The following LPP variants were observed in gnomAD, a reference collection of about 807,000 sequenced individuals.
LPP encodes the protein lipoma-preferred partner.
Under a neutral mutation model 60.4 loss-of-function variants are expected in LPP, and 38 were observed. That is an observed-to-expected ratio of 0.63 (90% CI 0.49 to 0.83). LPP has a LOEUF of 0.83. LPP is among the 40% of genes least tolerant of loss of function. The pLI, the probability that LPP is intolerant of heterozygous loss-of-function variation, is 0.00. For synonymous variants in LPP, 328 were observed against 290.8 expected, an observed-to-expected ratio of 1.13 and a Z score of -1.30; for missense variants, 902 against 783.6, an observed-to-expected ratio of 1.15 and a Z score of -1.80.
rs941908459 is a variant in LPP, at chr3:188,609,056, A to T, written c.430-105A>T. 2.4e-6 allele frequency: 2 copies of T among 847,110 alleles called. No individual in the cohort carries two copies. Among genetic ancestry groups the T allele is most frequent in the African/African-American group, 3.5e-5 (2 of 57,596 alleles). 52.5% of individuals were successfully genotyped at this position (847,110 alleles called of 1,614,324 possible). On this transcript the variant is annotated intron_variant, in intron 6 of 11. Coordinates refer to ENST00000617246, the MANE Select transcript of LPP (RefSeq NM_001375462.1). The surrounding 1 kb of genome is among the most constrained non-coding windows in gnomAD (Gnocchi z 6.9). ...TTATTTGTGTTCTACATAGTAATAA[A>T]TAATAATTAGCAGTTATTAATATTT...
chr3:188,469,950 A>T (rs577495027), intron 4 of LPP, among the ~76,000 whole-genome samples: 24 of 152,242 alleles, frequency 1.6e-4, no homozygotes, highest in Admixed American at 4.6e-4. Context: ...GATTTATACC[A>T]TCTGAAGAAA....
At chr3:188,815,784 A>G (rs111999710) in intron 9 of LPP, among the ~76,000 whole-genome samples, 30 of 152,356 alleles carry the variant, frequency 2.0e-4, no homozygotes, top group African/African-American at 7.2e-4. Flanking sequence ...ATAATGTCAT[A>G]GAACACTGGC....
intron 2 of LPP, among the ~76,000 whole-genome samples, chr3:188,240,397 A>T: frequency 7.3e-6 from 1 of 137,800 alleles, no homozygotes; most frequent in Middle Eastern, 3.8e-3. Flanking sequence ...CAGAGAGAGA[A>T]AGAGGTAAAG....
At chr3:188,637,246 C>A (rs1468901086) in intron 7 of LPP, among the ~76,000 whole-genome samples, 1 of 152,092 alleles carries the variant, frequency 6.6e-6, no homozygotes, top group South Asian at 2.1e-4. Flanking sequence ...AACTGACCAA[C>A]CTGCTCCTGA....
intron 3 of LPP, among the ~76,000 whole-genome samples, chr3:188,372,936 C>G (rs1176987168): frequency 1.3e-5 from 2 of 151,988 alleles, no homozygotes; most frequent in East Asian, 3.9e-4. Flanking sequence ...CAATTCCCAC[C>G]TATGAGTGAG....
At chr3:188,329,529 G>A (rs745528419) in intron 2 of LPP, among the ~76,000 whole-genome samples, 18 of 152,264 alleles carry the variant, frequency 1.2e-4, no homozygotes, top group East Asian at 3.9e-4. Flanking sequence ...AGCTTTCAGC[G>A]TCCTGTCTGT....
At chr3:188,542,098 G>A (rs964846074) in intron 6 of LPP, among the ~76,000 whole-genome samples, 2 of 152,136 alleles carry the variant, frequency 1.3e-5, no homozygotes, top group African/African-American at 4.8e-5. Flanking sequence ...TGCAATTCTT[G>A]AAAGAACTAT....
At chr3:188,460,917 C>G (rs140915875) in intron 4 of LPP, among the ~76,000 whole-genome samples, 34 of 152,220 alleles carry the variant, frequency 2.2e-4, no homozygotes, top group South Asian at 6.2e-4. Flanking sequence ...AAGAGATACT[C>G]TCATCTGGAG....
intron 2 of LPP, among the ~76,000 whole-genome samples, chr3:188,254,699 T>C (rs951964475): frequency 6.6e-6 from 1 of 151,352 alleles, no homozygotes; most frequent in Non-Finnish European, 1.5e-5. Flanking sequence ...AACAGCTCCC[T>C]GCCTACCACA....
At chr3:188,716,469 C>T (rs1266970799) in intron 8 of LPP, among the ~76,000 whole-genome samples, 1 of 152,006 alleles carries the variant, frequency 6.6e-6, no homozygotes, top group Admixed American at 6.6e-5. Context: ...ACTAGTGGGA[C>T]CAGTTGATAA....
At chr3:188,749,863 C>T (rs1437744925) in intron 8 of LPP, among the ~76,000 whole-genome samples, 2 of 152,036 alleles carry the variant, frequency 1.3e-5, no homozygotes, top group Non-Finnish European at 1.5e-5. Context: ...ATTCTAAATT[C>T]GTATCTCCCA....
intron 5 of LPP, among the ~76,000 whole-genome samples, chr3:188,505,616 C>A (rs548437075): frequency 6.6e-5 from 10 of 152,324 alleles, no homozygotes; most frequent in Non-Finnish European, 1.3e-4. Context: ...CAAAGGCTTA[C>A]ATTCTGTTAG....
At chr3:188,265,870 GGTGTGT>G (rs55722565) in intron 2 of LPP, among the ~76,000 whole-genome samples, 9 of 143,432 alleles carry the variant, frequency 6.3e-5, no homozygotes, top group African/African-American at 1.3e-4. Context: ...GGATTACTCT[GGTGTGT>G]GTGTGTGTGT....
chr3:188,370,985 A>G lies in LPP; in HGVS notation c.-10+29266A>G, dbSNP rs1345425436. On this transcript the variant is annotated intron_variant, in intron 3 of 11. Transcript: ENST00000617246. ...ATATACAACACAAAATTTGTAGACC[A>G]TTTGCTTATGGGAAAGAGTCACACC... Among the ~76,000 whole-genome samples, 4 of 152,226 alleles carry G rather than the reference A, an allele frequency of 2.6e-5. No homozygotes were observed. In the East Asian group the frequency reaches 7.7e-4, roughly 29 times the overall value.
chr3:188,789,308 C>T (rs544000831), intron 9 of LPP, among the ~76,000 whole-genome samples: 6 of 149,638 alleles, frequency 4.0e-5, no homozygotes, highest in South Asian at 4.2e-4. Context: ...TGTTGTTGAA[C>T]GGTTATTATA....
chr3:188,664,119 G>C (rs1220077970), intron 7 of LPP, among the ~76,000 whole-genome samples: 1 of 152,178 alleles, frequency 6.6e-6, no homozygotes, highest in Non-Finnish European at 1.5e-5. Context: ...GCTGCAATGA[G>C]GTTTTGGTTT....
chr3:188,532,239 T>A (rs1380618083), intron 6 of LPP, among the ~76,000 whole-genome samples: 2 of 150,750 alleles, frequency 1.3e-5, no homozygotes, highest in Non-Finnish European at 2.9e-5. Context: ...AAACCCCAGC[T>A]CTACTAAAAA....
chr3:188,442,875 A>G (rs1011570839), intron 4 of LPP, among the ~76,000 whole-genome samples: 3 of 152,234 alleles, frequency 2.0e-5, no homozygotes, highest in Non-Finnish European at 4.4e-5. Context: ...GTGAAGAAGA[A>G]GAAGAGCAGA....
At chr3:188,846,117 A>C (rs1459006988) in intron 9 of LPP, among the ~76,000 whole-genome samples, 1 of 152,242 alleles carries the variant, frequency 6.6e-6, no homozygotes, top group Non-Finnish European at 1.5e-5. Flanking sequence ...GCAAAAGATG[A>C]GTCCGTGCTG....
Sources: allele counts gnomAD v4.1 joint callset (sites outside exome capture counted in the v4.1 genomes callset), GRCh38; gene constraint gnomAD v4.1.1; non-coding constraint Gnocchi (gnomAD v3.1); transcripts MANE v1.5; gene names NCBI Gene and HGNC (gene_info 2026-07-23, HGNC 2026-07-21).